The following ASPSCR1 variants were observed in gnomAD, a reference collection of about 807,000 sequenced individuals.
ASPSCR1 encodes the protein ASPSCR1 tether for SLC2A4, UBX domain containing.
Under a neutral mutation model 68.9 loss-of-function variants are expected in ASPSCR1, and 55 were observed. That is an observed-to-expected ratio of 0.80 (90% CI 0.64 to 1.00). The LOEUF is 1.00. Ranked by LOEUF, ASPSCR1 falls within the 50% of genes least tolerant of loss-of-function variation. The pLI is 0.00. For synonymous variants in ASPSCR1, 352 were observed against 332.6 expected (o/e 1.06, Z -0.63); for missense variants, 765 against 762.2 (o/e 1.00, Z -0.04).
Position 82,009,042 on chromosome 17 carries a change from G to A in ASPSCR1, c.939G>A (p.Val313=). ...GCCGCGCCCTCTGCCTCCAGCCCGT[G>A]GACCGGGAGCCCGTGGACCGGGAGC... ...PQQEQERERP[V]DREPVDREPV... is the part of the protein sequence containing the mutation. The change falls in exon 8 of 16, where the codon GTG becomes GTA. Residue 313 remains valine (V), a synonymous_variant. Coordinates refer to ENST00000306739, the MANE Select transcript of ASPSCR1 (RefSeq NM_024083.4). The A allele has an allele frequency of 6.5e-7, 1 of 1,539,608 alleles. No individual in the cohort carries two copies. Among genetic ancestry groups the A allele is most frequent in the Non-Finnish European group, 8.8e-7 (1 of 1,142,686 alleles).
At chr17:81,979,381 T>C (rs1377864445) in intron 2 of ASPSCR1, 142 bp downstream of exon 2, 60 of 871,880 alleles carry the variant, frequency 6.9e-5, no homozygotes, top group Admixed American at 1.2e-4. Flanking sequence ...CCCAAGGCCT[T>C]GGCAGGGCCA....
chr17:81,998,679 A>G (rs946886557), intron 7 of ASPSCR1, among the ~76,000 whole-genome samples: 1 of 152,206 alleles, frequency 6.6e-6, no homozygotes, highest in Non-Finnish European at 1.5e-5. Flanking sequence ...TGGCTTGTGC[A>G]TGTGTGTTCA....
intron 11 of ASPSCR1, among the ~76,000 whole-genome samples, 185 bp downstream of exon 11, chr17:82,011,790 C>T (rs2042956805): frequency 6.6e-6 from 1 of 152,098 alleles, no homozygotes; most frequent in Non-Finnish European, 1.5e-5. Context: ...GCCCTTCTCC[C>T]CGAGCCAGGC....
intron 4 of ASPSCR1, among the ~76,000 whole-genome samples, chr17:81,992,831 G>A (rs1429416101): frequency 6.6e-6 from 1 of 152,258 alleles, no homozygotes; most frequent in Non-Finnish European, 1.5e-5. Context: ...CTTAGGGAGT[G>A]TGTCCCAGCC....
At chr17:81,994,710 T>TG in intron 4 of ASPSCR1, 111 bp from the exon 5 acceptor site, 1 of 1,117,254 alleles carries the variant, frequency 9.0e-7, no homozygotes, top group East Asian at 2.4e-5. Context: ...CCTGGGTGGG[T>TG]GCTGGGTGAG....
chr17:82,015,050 G>C (rs749691909), intron 12 of ASPSCR1: 1 of 1,583,772 alleles, frequency 6.3e-7, no homozygotes, highest in Non-Finnish European at 8.5e-7. Context: ...CTGGGGGGAC[G>C]GTGTGACCCA....
In ASPSCR1 at chr17:82,012,021, G is replaced by A. The variant is rs368168243; in HGVS notation, c.1301-210G>A. The A allele has an allele frequency of 1.7e-3, 1,182 of 679,258 alleles. 17 individuals are homozygous for A. The highest frequency in any genetic ancestry group is 8.2e-3 in the Middle Eastern group (28 of 3,418). The allele number at this position is 679,258 out of a possible 1,614,324, so 42.1% of individuals were successfully genotyped here. On this transcript the variant is annotated intron_variant, in intron 11 of 15. Coordinates refer to ENST00000306739, the MANE Select transcript of ASPSCR1 (RefSeq NM_024083.4). ...AGGGGAGCCGGGCTGCACGGGTGGTGTCCCCTGCAGGTGGGCCTGCCCCCC... is the reference window on the plus strand; with the variant it reads ...AGGGGAGCCGGGCTGCACGGGTGGTATCCCCTGCAGGTGGGCCTGCCCCCC...
chr17:82,011,032 C>T (rs768281745), intron 10 of ASPSCR1, among the ~76,000 whole-genome samples, 164 bp downstream of exon 10: 4 of 152,188 alleles, frequency 2.6e-5, no homozygotes, highest in Non-Finnish European at 5.9e-5. Flanking sequence ...AGAGGCATCC[C>T]AGTTCGCAGA....
intron 4 of ASPSCR1, among the ~76,000 whole-genome samples, chr17:81,991,731 C>T (rs1184416787): frequency 6.6e-6 from 1 of 152,230 alleles, no homozygotes; most frequent in African/African-American, 2.4e-5. Flanking sequence ...TGGGTGATGC[C>T]CTCTGCGGGC....
At chr17:81,997,292 G>T (rs1344638985) in intron 7 of ASPSCR1, among the ~76,000 whole-genome samples, 1 of 152,130 alleles carries the variant, frequency 6.6e-6, no homozygotes, top group Admixed American at 6.5e-5. Context: ...TCAACTACAT[G>T]CACGTTAAGG....
intron 4 of ASPSCR1, among the ~76,000 whole-genome samples, chr17:81,991,869 AAC>A (rs2042179619): frequency 6.6e-6 from 1 of 152,236 alleles, no homozygotes; most frequent in South Asian, 2.1e-4. Flanking sequence ...ACAGGACATG[AAC>A]ACAGAGAGCT....
intron 10 of ASPSCR1, 32 bp from the exon 11 acceptor site, chr17:82,011,494 GGCTGGCGTGGTGGAAGA>G (rs1393480878): frequency 3.9e-6 from 6 of 1,542,744 alleles, no homozygotes; most frequent in Non-Finnish European, 5.2e-6. Context: ...GGCAGCCCGG[GGCTGGCGTGGTGGAAGA>G]GCTGTCTGTA....
Position 82,008,910 on chromosome 17 carries a change from C to A in ASPSCR1, c.934-127C>A, listed in dbSNP as rs947634063. 4 of 1,321,126 alleles carry A rather than the reference C, an allele frequency of 3.0e-6. No homozygotes were observed. In the Admixed American group the frequency reaches 1.2e-4, roughly 41 times the overall value. 81.8% of individuals were successfully genotyped at this position (1,321,126 alleles called of 1,614,324 possible). On this transcript the variant is annotated intron_variant, in intron 7 of 15. Coordinates refer to ENST00000306739, the MANE Select transcript of ASPSCR1 (RefSeq NM_024083.4). ...GACCTGGCCTTGGCCCTGCGCTGGC[C>A]GGGGCCAGGGAGGGAGTGGGCCCAG...
chr17:81,979,326 C>G, intron 2 of ASPSCR1, 87 bp downstream of exon 2: 1 of 1,483,632 alleles, frequency 6.7e-7, no homozygotes, highest in Non-Finnish European at 9.4e-7. Context: ...GGAAAAGCCC[C>G]CAGGTGGTTT....
chr17:82,015,494 C>G (rs928516710), intron 12 of ASPSCR1: 30 of 1,177,388 alleles, frequency 2.5e-5, no homozygotes, highest in Non-Finnish European at 3.3e-5. Context: ...TCCCGTGGGG[C>G]AGTGCTGGTT....
chr17:82,013,923 C>T (rs2043036540), intron 12 of ASPSCR1: 1 of 152,320 alleles, frequency 6.6e-6, no homozygotes, highest in Non-Finnish European at 1.5e-5. Context: ...GTCCTCAGGT[C>T]ATGAGGAAGG....
chr17:82,016,582 C>G (rs559462459), intron 13 of ASPSCR1, 55 bp downstream of exon 13: 13 of 1,546,278 alleles, frequency 8.4e-6, no homozygotes, highest in Admixed American at 3.9e-5. Context: ...GTCCCTGGAC[C>G]TCAGAGCCAG....
chr17:81,988,431 G>A (rs2042064009), intron 4 of ASPSCR1, among the ~76,000 whole-genome samples: 1 of 151,484 alleles, frequency 6.6e-6, no homozygotes, highest in African/African-American at 2.4e-5. Flanking sequence ...CTCCAGCCTG[G>A]GTGACAAAGC....
rs753874676 is a variant in ASPSCR1, at chr17:81,996,582, C to G, written c.669C>G (p.Pro223=). 8 of 1,611,712 alleles carry G rather than the reference C, an allele frequency of 5.0e-6. No individual in the cohort carries two copies. The Admixed American group carries it at 1.2e-4, about 24-fold the overall frequency. ...CGGAGGACGCGGACACCTCAGGGCC[C>G]TGCTGCGAGCACACTCAGGAGAAGC... is the stretch of plus-strand genomic sequence containing the variant. The part of the protein sequence containing the change: ...SRPEDADTSG[P]CCEHTQEKQS... The change falls in exon 7 of 16, where the codon CCC becomes CCG. Residue 223 remains proline (P), a synonymous_variant. Coordinates refer to ENST00000306739, the MANE Select transcript of ASPSCR1 (RefSeq NM_024083.4).
Sources: gnomAD v4.1 joint callset for allele counts (sites outside exome capture counted in the v4.1 genomes callset) on GRCh38, gnomAD v4.1.1 for gene constraint, MANE v1.5 for transcripts, NCBI Gene and HGNC (gene_info 2026-07-23, HGNC 2026-07-21) for gene names.